STK10: variants seen among roughly 807,000 people sequenced by gnomAD.
STK10 encodes serine/threonine kinase 10.
Under a neutral mutation model 113.8 loss-of-function variants are expected in STK10, and 78 were observed. The ratio of observed to expected loss-of-function variants is 0.69; its 90% CI spans 0.57 to 0.83. The LOEUF (loss-of-function observed/expected upper bound fraction) is 0.83. STK10 is among the 40% of genes least tolerant of loss of function. The probability of loss-of-function intolerance (pLI) is 0.00; values close to 1 mark genes in which losing one functional copy is unlikely to be tolerated. For synonymous variants in STK10, 465 were observed against 494.7 expected (o/e 0.94, Z 0.80); for missense variants, 1,109 against 1,280.1 (o/e 0.87, Z 2.04).
At chr5:172,139,203 T>C (rs1037403001) in intron 2 of STK10, among the ~76,000 whole-genome samples, 1 of 152,100 alleles carries the variant, frequency 6.6e-6, no homozygotes, top group African/African-American at 2.4e-5. Context: ...TAAAATATTA[T>C]GGAATCTCAA....
chr5:172,145,550 C>T (rs1191510372), intron 2 of STK10, among the ~76,000 whole-genome samples: 1 of 152,192 alleles, frequency 6.6e-6, no homozygotes. Context: ...TAAGGGCAAC[C>T]CCCAGCCTTC....
chr5:172,082,424 G>A lies in STK10; in HGVS notation c.1891C>T (p.His631Tyr), dbSNP rs756086230. 4 of 1,611,874 alleles carry A rather than the reference G, an allele frequency of 2.5e-6. No homozygotes were observed. The highest frequency in any genetic ancestry group is 3.4e-6 in the Non-Finnish European group (4 of 1,179,072). ...KQQVEKMEQDHAVRRREEARR... is the reference protein window; with the variant it reads ...KQQVEKMEQDYAVRRREEARR... ...GCCTCCTCCCGGCGGCGCACGGCAT[G>A]GTCTTGCTCCATCTTCTCCACTTGC... The change falls in exon 12 of 19, where the codon CAT becomes TAT. Residue 631 changes from histidine (H) to tyrosine (Y), a missense_variant. Coordinates refer to ENST00000176763, the MANE Select transcript of STK10 (RefSeq NM_005990.4). The surrounding 1 kb of genome is among the most constrained non-coding windows in gnomAD (Gnocchi z 4.3).
chr5:172,096,631 C>A (rs995789846), intron 7 of STK10, 71 bp from the exon 8 acceptor site: 2 of 1,582,778 alleles, frequency 1.3e-6, no homozygotes, highest in African/African-American at 2.7e-5. Flanking sequence ...GCTGGGGGAG[C>A]TCACCCCCGG....
chr5:172,057,525 A>C (rs1767833277), intron 14 of STK10, 52 bp from the exon 15 acceptor site: 1 of 1,528,204 alleles, frequency 6.5e-7, no homozygotes, highest in African/African-American at 1.4e-5. Context: ...CAGAGACTCG[A>C]CAGGCCCCCT....
At chr5:172,061,048 G>T in intron 14 of STK10, 91 bp downstream of exon 14, 1 of 1,487,590 alleles carries the variant, frequency 6.7e-7, no homozygotes, top group Non-Finnish European at 8.9e-7. Context: ...GAGAAGGCCT[G>T]GGAGGTTCTT....
chr5:172,106,494 T>A, intron 6 of STK10, 126 bp downstream of exon 6: 18 of 914,268 alleles, frequency 2.0e-5, no homozygotes, highest in East Asian at 1.0e-4. Context: ...GGCCCCAACC[T>A]CTCCTTTGGA....
At chr5:172,081,302 G>GATTGTGCC (rs1768422369) in intron 12 of STK10, among the ~76,000 whole-genome samples, 2 of 143,098 alleles carry the variant, frequency 1.4e-5, no homozygotes, top group Non-Finnish European at 3.0e-5. Flanking sequence ...AGTGAGCCGA[G>GATTGTGCC]ATTGTGCCAC....
In STK10 at chr5:172,087,645, G is replaced by A. The variant is rs371752512; in HGVS notation, c.1685+2587C>T. ...TTTATTTTTTTTTTTTTTTTGAGAC[G>A]GAGTCTCGCTCTGTCGCCCAGGCCG... On this transcript the variant is annotated intron_variant, in intron 10 of 18. Transcript: ENST00000176763. Among the ~76,000 whole-genome samples, 10 of 123,466 alleles carry A rather than the reference G, an allele frequency of 8.1e-5. 1 individual carries two copies. The highest frequency in any genetic ancestry group is 1.6e-4 in the Non-Finnish European group (10 of 60,862). 81.0% of individuals were successfully genotyped at this position (123,466 alleles called of 152,430 possible). A position where few individuals can be genotyped will look rare whatever the true frequency, so the allele number is the denominator to read the frequency against.
At chr5:172,153,770 C>T (rs926809558) in intron 2 of STK10, among the ~76,000 whole-genome samples, 6 of 152,254 alleles carry the variant, frequency 3.9e-5, no homozygotes, top group Admixed American at 3.3e-4. Flanking sequence ...AGGGTTGGTG[C>T]ATCCTTCAAC....
intron 1 of STK10, among the ~76,000 whole-genome samples, chr5:172,180,598 C>A (rs1770837372): frequency 6.6e-6 from 1 of 151,780 alleles, no homozygotes; most frequent in Non-Finnish European, 1.5e-5. Context: ...CAAGACCAGC[C>A]TGGCCAACAT....
rs1767400419 is a variant in STK10, at chr5:172,042,563, T to C, written c.*2319A>G. ...TCACACGCCAGGCTACACATGGAAA[T>C]ACTGTAAGCAAAGCCCAAAGCAGCC... is the stretch of plus-strand genomic sequence containing the variant. On this transcript the variant is annotated 3_prime_UTR_variant, in exon 19 of 19. Coordinates refer to ENST00000176763, the MANE Select transcript of STK10 (RefSeq NM_005990.4). 6.6e-6 allele frequency: 1 copy of C among 152,270 alleles called. No individual in the cohort carries two copies. The highest frequency in any genetic ancestry group is 1.5e-5 in the Non-Finnish European group (1 of 68,052). The allele number at this position is 152,270 out of a possible 1,614,324, so 9.4% of individuals were successfully genotyped here. A position where few individuals can be genotyped will look rare whatever the true frequency, so the allele number is the denominator to read the frequency against.
At position 172,155,693 on chromosome 5, in the gene STK10, G is replaced by GA. The variant is rs890597685; in HGVS notation, c.321+930dup. 6.9e-4 allele frequency among the ~76,000 whole-genome samples: 101 copies of GA among 146,108 alleles called. No individual in the cohort carries two copies. In the East Asian group the frequency reaches 9.3e-3, roughly 13 times the overall value. Reference sequence around the variant, plus strand: ...AAGATGGATTTCTTTGGAAGAATTAGAAAAAAAAAAAATGAAGAGGACTGG... The same window carrying GA: ...AAGATGGATTTCTTTGGAAGAATTAGAAAAAAAAAAAAATGAAGAGGACTGG... On this transcript the variant is annotated intron_variant, in intron 2 of 18. Coordinates refer to ENST00000176763, the MANE Select transcript of STK10 (RefSeq NM_005990.4).
In STK10 at chr5:172,120,550, GGCCGTACCCAGGTGCT is replaced by G. The variant is rs778068323; in HGVS notation, c.371-2936_371-2921del. 3.4e-4 allele frequency among the ~76,000 whole-genome samples: 52 copies of G among 152,182 alleles called. No homozygotes were observed. The highest frequency in any genetic ancestry group is 4.1e-4 in the Non-Finnish European group (28 of 68,034). On this transcript the variant is annotated intron_variant, in intron 3 of 18. Transcript: ENST00000176763. This position sits in a 1 kb window ranked among gnomAD's most constrained non-coding sequence, Gnocchi z 4.0. ...TGGGCTTCAGGACCACACAGACCGA[GGCCGTACCCAGGTGCT>G]GCCTCTCACTAGCTGTGTGGTTACT...
intron 14 of STK10, among the ~76,000 whole-genome samples, chr5:172,060,498 T>G (rs1175434899): frequency 6.6e-6 from 1 of 152,158 alleles, no homozygotes; most frequent in Non-Finnish European, 1.5e-5. Flanking sequence ...TCCCTTCCAC[T>G]ATGTGAGGAT....
intron 2 of STK10, among the ~76,000 whole-genome samples, chr5:172,156,089 G>A (rs1351653339): frequency 6.6e-6 from 1 of 152,094 alleles, no homozygotes; most frequent in African/African-American, 2.4e-5. Flanking sequence ...GGAGAATAGC[G>A]GGCTGGTAAA....
intron 2 of STK10, among the ~76,000 whole-genome samples, chr5:172,148,691 G>T (rs560545051): frequency 1.3e-5 from 2 of 152,204 alleles, no homozygotes; most frequent in Admixed American, 6.5e-5. Context: ...GGAAGGGTGG[G>T]GGTCACAGAT....
chr5:172,118,662 C>T (rs778084228), intron 3 of STK10, among the ~76,000 whole-genome samples: 20 of 151,620 alleles, frequency 1.3e-4, no homozygotes, highest in Middle Eastern at 3.4e-3. Context: ...GGGGGGATCA[C>T]GAGGTCAGGA....
At position 172,188,091 on chromosome 5, in the gene STK10, T is replaced by A; in HGVS notation, c.-49A>T. 5 of 1,587,958 alleles carry A rather than the reference T, an allele frequency of 3.1e-6. No homozygotes were observed. The highest frequency in any genetic ancestry group is 4.3e-6 in the Non-Finnish European group (5 of 1,167,396). ...CTCGGGCTCGGGCTCGGGCTCGGGC[T>A]GTGGCTTCGGCGGCCGCGAGGAGAA... On this transcript the variant is annotated 5_prime_UTR_variant, in exon 1 of 19. Coordinates refer to ENST00000176763, the MANE Select transcript of STK10 (RefSeq NM_005990.4). This position sits in a 1 kb window ranked among gnomAD's most constrained non-coding sequence, Gnocchi z 5.6.
chr5:172,091,004 T>C (rs925400866), intron 9 of STK10, among the ~76,000 whole-genome samples: 2 of 150,154 alleles, frequency 1.3e-5, no homozygotes, highest in African/African-American at 4.9e-5. Context: ...TTACTTGCTC[T>C]GTGTCTCTGG....
Sources: gnomAD v4.1 joint callset for allele counts (sites outside exome capture counted in the v4.1 genomes callset) on GRCh38, gnomAD v4.1.1 for gene constraint, Gnocchi (gnomAD v3.1) non-coding constraint, MANE v1.5 for transcripts, NCBI Gene and HGNC (gene_info 2026-07-23, HGNC 2026-07-21) for gene names.